ATM: variants seen among roughly 807,000 people sequenced by gnomAD.
ATM encodes serine-protein kinase ATM.
A neutral mutation model predicts 387.0 loss-of-function variants in ATM; 308 were observed. The ratio of observed to expected loss-of-function variants is 0.80; its 90% CI spans 0.73 to 0.87. The LOEUF is 0.87. Among genes scored for constraint, ATM ranks in the 40% least tolerant of loss-of-function variants. The probability of loss-of-function intolerance (pLI) is 0.00; values close to 1 mark genes in which losing one functional copy is unlikely to be tolerated. For synonymous variants in ATM, 1,156 were observed against 1,187.3 expected, an observed-to-expected ratio of 0.97 and a Z score of 0.54; for missense variants, 3,312 against 3,560.9, an observed-to-expected ratio of 0.93 and a Z score of 1.78.
intron 37 of ATM, among the ~76,000 whole-genome samples, chr11:108,307,288 T>G (rs2083766939): frequency 6.6e-6 from 1 of 152,116 alleles, no homozygotes; most frequent in Non-Finnish European, 1.5e-5. Context: ...TAGCTGGGAT[T>G]ACAGATGTGT....
At position 108,366,654 on chromosome 11, in the gene ATM, G is replaced by A. The variant is rs2091346827; in HGVS notation, c.*1146G>A. 4.3e-6 allele frequency: 1 copy of A among 230,922 alleles called. No individual in the cohort carries two copies. The highest frequency in any genetic ancestry group is 8.6e-6 in the Non-Finnish European group (1 of 116,708). The allele number at this position is 230,922 out of a possible 1,614,324, so 14.3% of individuals were successfully genotyped here. A position where few individuals can be genotyped will look rare whatever the true frequency, so the allele number is the denominator to read the frequency against. ...AAGCCCATTCTTATTTTAATTTCTTGGCTTTAGGGTTTCCATACCTGAAGT... is the reference window on the plus strand; with the variant it reads ...AAGCCCATTCTTATTTTAATTTCTTAGCTTTAGGGTTTCCATACCTGAAGT... On this transcript the variant is annotated 3_prime_UTR_variant, in exon 63 of 63. Coordinates refer to ENST00000675843, the MANE Select transcript of ATM (RefSeq NM_000051.4).
At chr11:108,300,486 A>G (rs2083368721) in intron 34 of ATM, among the ~76,000 whole-genome samples, 1 of 152,192 alleles carries the variant, frequency 6.6e-6, no homozygotes, top group Middle Eastern at 3.2e-3. Flanking sequence ...CATCACCACC[A>G]TATTTGATGG....
chr11:108,317,752 GC>G lies in ATM; in HGVS notation c.6347+232del, dbSNP rs767828818. Among the ~76,000 whole-genome samples, 140 of 149,642 alleles carry G rather than the reference GC, an allele frequency of 9.4e-4. No individual in the cohort carries two copies. Among genetic ancestry groups the G allele is most frequent in the East Asian group, 7.8e-4 (4 of 5,100 alleles). On this transcript the variant is annotated intron_variant, in intron 43 of 62. Coordinates refer to ENST00000675843, the MANE Select transcript of ATM (RefSeq NM_000051.4). ...AAAAAATATATAGTAGATGTTGCAA[GC>G]TATAGATAGCCCTAAATCCTTCAGT...
At chr11:108,362,628 G>GC (rs2090907443) in intron 61 of ATM, among the ~76,000 whole-genome samples, 1 of 149,460 alleles carries the variant, frequency 6.7e-6, no homozygotes, top group Non-Finnish European at 1.5e-5. Flanking sequence ...CATAAAAAAT[G>GC]ATGAGTTCAT....
At chr11:108,355,054 GA>G (rs1289099857) in intron 61 of ATM, 180 bp downstream of exon 61, 3 of 611,706 alleles carry the variant, frequency 4.9e-6, no homozygotes, top group Non-Finnish European at 8.7e-6. Flanking sequence ...TACTGGTTTA[GA>G]AATGCCTTCA....
At chr11:108,310,777 G>C (rs2084088032) in intron 39 of ATM, among the ~76,000 whole-genome samples, 1 of 152,018 alleles carries the variant, frequency 6.6e-6, no homozygotes, top group Non-Finnish European at 1.5e-5. Context: ...ATTTATTTCT[G>C]TGACTAATTA....
At chr11:108,236,189 C>A in intron 5 of ATM, 1 of 287,564 alleles carries the variant, frequency 3.5e-6, no homozygotes, top group Non-Finnish European at 6.7e-6. Flanking sequence ...AAAACAATGA[C>A]ACCTAAACTC....
intron 61 of ATM, chr11:108,355,513 C>G (rs141799602): frequency 6.5e-6 from 1 of 154,286 alleles, no homozygotes. Context: ...CAGTCATTCA[C>G]CAATCTGGTA....
At chr11:108,230,861 C>T (rs537535126) in intron 4 of ATM, 3 of 152,192 alleles carry the variant, frequency 2.0e-5, no homozygotes, top group Non-Finnish European at 4.4e-5. Flanking sequence ...GCCACCATGT[C>T]TGGCTAATTT....
chr11:108,268,678 C>T (rs1428564122), intron 18 of ATM, 69 bp downstream of exon 18: 2 of 1,479,182 alleles, frequency 1.4e-6, no homozygotes, highest in Non-Finnish European at 1.9e-6. Flanking sequence ...AATGAGTTGA[C>T]ATGTAAGAAT....
chr11:108,341,447 G>A (rs1218788260), intron 56 of ATM, among the ~76,000 whole-genome samples: 1 of 152,008 alleles, frequency 6.6e-6, no homozygotes, highest in Non-Finnish European at 1.5e-5. Flanking sequence ...GAAACTTTAT[G>A]AGGGCATAGT....
chr11:108,317,652 T>TACAC lies in ATM; in HGVS notation c.6347+150_6347+153dup, dbSNP rs1181493043. ...ATATATATATATATATATATATATA[T>TACAC]ACACACACACACACACACACACTAT... On this transcript the variant is annotated intron_variant, in intron 43 of 62. Transcript: ENST00000675843. 310 of 118,306 alleles carry TACAC rather than the reference T, an allele frequency of 2.6e-3. 5 individuals carry two copies. Among genetic ancestry groups the TACAC allele is most frequent in the African/African-American group, 0.013 (261 of 19,776 alleles). 7.3% of individuals were successfully genotyped at this position (118,306 alleles called of 1,614,324 possible).
chr11:108,249,506 G>A (rs558715145), intron 9 of ATM, among the ~76,000 whole-genome samples: 24 of 152,260 alleles, frequency 1.6e-4, no homozygotes, highest in African/African-American at 5.3e-4. Context: ...TTGACCTTAT[G>A]CCATGATAAA....
chr11:108,356,397 G>A (rs183276108), intron 61 of ATM, among the ~76,000 whole-genome samples: 32 of 152,136 alleles, frequency 2.1e-4, no homozygotes, highest in Non-Finnish European at 3.7e-4. Context: ...TTAGCTGGGC[G>A]TGATGGCGGG....
intron 16 of ATM, among the ~76,000 whole-genome samples, chr11:108,266,352 G>A (rs1036911001): frequency 6.6e-6 from 1 of 151,776 alleles, no homozygotes; most frequent in Non-Finnish European, 1.5e-5. Flanking sequence ...GGATGAAATT[G>A]GAAATCATCA....
chr11:108,304,005 A>G (rs1247046073), intron 36 of ATM, among the ~76,000 whole-genome samples: 2 of 152,214 alleles, frequency 1.3e-5, no homozygotes, highest in African/African-American at 4.8e-5. Context: ...ATGTGTGTGA[A>G]GTATGATGAA....
At chr11:108,362,288 G>T (rs1324037296) in intron 61 of ATM, among the ~76,000 whole-genome samples, 1 of 150,636 alleles carries the variant, frequency 6.6e-6, no homozygotes, top group Non-Finnish European at 1.5e-5. Flanking sequence ...TCATTAAAAA[G>T]TCAGGAAACA....
intron 36 of ATM, among the ~76,000 whole-genome samples, chr11:108,303,793 T>C (rs1449689459): frequency 2.6e-5 from 4 of 152,198 alleles, no homozygotes; most frequent in Non-Finnish European, 5.9e-5. Context: ...TGAACACACA[T>C]ACAGCTTATT....
chr11:108,251,098 A>C (rs1362624550), intron 10 of ATM, 26 bp downstream of exon 10: 6 of 1,613,444 alleles, frequency 3.7e-6, no homozygotes, highest in African/African-American at 1.3e-5. Flanking sequence ...ATTATGTCTG[A>C]CTTACAGATA....
Sources: gnomAD v4.1 joint callset for allele counts (sites outside exome capture counted in the v4.1 genomes callset) on GRCh38, gnomAD v4.1.1 for gene constraint, MANE v1.5 for transcripts, NCBI Gene and HGNC (gene_info 2026-07-23, HGNC 2026-07-21) for gene names.